Variants in FUT4 observed in about 807,000 individuals in gnomAD.
The protein encoded by FUT4 is fucosyltransferase 4.
Under a neutral mutation model 3.8 loss-of-function variants are expected in FUT4, and 1 was observed. The observed-to-expected ratio is 0.26, with a 90% CI of 0.09 to 1.25. FUT4 has a LOEUF of 1.25. Ranked by LOEUF, FUT4 falls within the 50% of genes most tolerant of loss-of-function variation. The probability of loss-of-function intolerance (pLI) is 0.47; values close to 1 mark genes in which losing one functional copy is unlikely to be tolerated. For missense variants in FUT4, 880 were observed against 768.2 expected (o/e 1.15, Z -1.72); for synonymous variants, 417 against 355.3 (o/e 1.17, Z -1.95).
chr11:94,545,622 A>G lies in FUT4; in HGVS notation c.1489A>G (p.Thr497Ala). Residue 497 changes from threonine (T) to alanine (A), a missense_variant, in exon 1 of 1, where the codon ACC becomes GCC. Around this residue, in one of 3 missense-constraint regions of FUT4, gnomAD observed 424 missense variants for 400.4 expected, o/e 1.06. Coordinates refer to ENST00000358752, the MANE Select transcript of FUT4 (RefSeq NM_002033.4). ...GCGCCGGAGCTACGCTGTCCACATC[A>G]CCTCCTTCTGGGACGAGCCTTGGTG... ...HWRRSYAVHI[T>A]SFWDEPWCRV... The G allele has an allele frequency of 6.2e-7, 1 of 1,612,452 alleles. No individual in the cohort carries two copies. The highest frequency in any genetic ancestry group is 8.5e-7 in the Non-Finnish European group (1 of 1,179,904).
At position 94,545,659 on chromosome 11, in the gene FUT4, A is replaced by AGGCT; in HGVS notation, c.1528_1531dup (p.Val511GlyfsTer40). 1 of 1,612,706 alleles carries AGGCT rather than the reference A, an allele frequency of 6.2e-7. No homozygotes were observed. ...GACGAGCCTTGGTGCCGGGTGTGCC[A>AGGCT]GGCTGTACAGAGGGCTGGGGACCGG... On this transcript the variant is annotated frameshift_variant, in exon 1 of 1. Transcript: ENST00000358752. LOFTEE classifies it high-confidence loss of function.
Position 94,544,426 on chromosome 11 carries a change from C to G in FUT4, c.293C>G (p.Pro98Arg). Reference protein sequence around the residue: ...ASGERQRRLEPQLQHESRCRS... With the variant: ...ASGERQRRLERQLQHESRCRS... ...GGCGAGCGGCAGCGACGGCTGGAGC[C>G]GCAGCTACAGCATGAGAGCCGGTGC... is the stretch of plus-strand genomic sequence containing the variant. Residue 98 changes from proline to arginine, a missense_variant, in exon 1 of 1, where the codon CCG becomes CGG. Transcript: ENST00000358752. The G allele has an allele frequency of 6.6e-7, 1 of 1,524,584 alleles. No individual in the cohort carries two copies. Among genetic ancestry groups the G allele is most frequent in the Non-Finnish European group, 8.7e-7 (1 of 1,143,672 alleles). The allele number at this position is 1,524,584 out of a possible 1,614,324, so 94.4% of individuals were successfully genotyped here.
Position 94,544,622 on chromosome 11 carries a change from T to C in FUT4, c.489T>C (p.Cys163=). The C allele has an allele frequency of 6.7e-7, 1 of 1,495,932 alleles. No homozygotes were observed. Among genetic ancestry groups the C allele is most frequent in the Non-Finnish European group, 8.8e-7 (1 of 1,135,002 alleles). The allele number at this position is 1,495,932 out of a possible 1,614,324, so 92.7% of individuals were successfully genotyped here. ...TGCTGGCGGCCGCCGGCTTGACGTG[T>C]ACGGCGCTGATCACCTACGCTTGCT... The part of the protein sequence containing the change: ...VCVLAAAGLT[C]TALITYACWG... The change falls in exon 1 of 1, where the codon TGT becomes TGC. Residue 163 remains cysteine, a synonymous_variant. Transcript: ENST00000358752.
chr11:94,545,175 C>T lies in FUT4; in HGVS notation c.1042C>T (p.Pro348Ser). ...CGGCGACCCGCCCTCAGGCCTGGCC[C>T]CGCCACTGTCCAGGAAACAGGGGCT... is the stretch of plus-strand genomic sequence containing the variant. ...HPGDPPSGLA[P>S]PLSRKQGLVA... The change falls in exon 1 of 1, where the codon CCG (proline) becomes TCG (serine). Residue 348 changes from proline to serine, a missense_variant. This residue lies in a region of FUT4 where 424 missense variants were observed against 400.4 expected (regional missense o/e 1.06). Transcript: ENST00000358752. The T allele has an allele frequency of 6.2e-7, 1 of 1,611,072 alleles. No individual in the cohort carries two copies. Among genetic ancestry groups the T allele is most frequent in the Non-Finnish European group, 8.5e-7 (1 of 1,179,752 alleles).
Position 94,544,230 on chromosome 11 carries a change from G to C in FUT4, c.97G>C (p.Gly33Arg), listed in dbSNP as rs766686784. The change falls in exon 1 of 1, where the codon GGC (glycine) becomes CGC (arginine). Residue 33 changes from glycine to arginine, a missense_variant. Transcript: ENST00000358752. The part of the protein sequence containing the change: ...APQEAPGAWS[G>R]RLGPGRSGRK... The stretch of plus-strand genomic sequence containing the variant: ...GCAGGAGGCTCCCGGGGCCTGGTCG[G>C]GCCGGCTGGGCCCCGGGCGCAGTGG... The C allele has an allele frequency of 2.7e-6, 4 of 1,472,248 alleles. No homozygotes were observed. In the South Asian group the frequency reaches 4.2e-5, roughly 15 times the overall value. The allele number at this position is 1,472,248 out of a possible 1,614,324, so 91.2% of individuals were successfully genotyped here.
Position 94,548,977 on chromosome 11 carries a change from CTG to C in FUT4, c.*3254_*3255del, listed in dbSNP as rs1207337344. On this transcript the variant is annotated 3_prime_UTR_variant, in exon 1 of 1. Transcript: ENST00000358752. ...TTGGAGTCAGAACCTGGGTATGACT[CTG>C]TGGCCTTGATGAAGCAAGTTACTTA... 4 of 167,014 alleles carry C rather than the reference CTG, an allele frequency of 2.4e-5. No individual in the cohort carries two copies. Among genetic ancestry groups the C allele is most frequent in the East Asian group, 1.9e-4 (1 of 5,196 alleles). The allele number at this position is 167,014 out of a possible 1,614,324, so 10.3% of individuals were successfully genotyped here.
Position 94,548,114 on chromosome 11 carries a change from A to AT in FUT4, c.*2395dup. On this transcript the variant is annotated 3_prime_UTR_variant, in exon 1 of 1. Transcript: ENST00000358752. ...AAGCACCTAGGCTTTCTTTGAAAAT[A>AT]TTTTTTTGGTTCGTTTTGGTAAAGC... 1.2e-5 allele frequency: 2 copies of AT among 166,236 alleles called. No individual in the cohort carries two copies. Among genetic ancestry groups the AT allele is most frequent in the African/African-American group, 2.4e-5 (1 of 40,964 alleles). 10.3% of individuals were successfully genotyped at this position (166,236 alleles called of 1,614,324 possible).
rs771907923 is a variant in FUT4 at position 94,544,158 on chromosome 11, C to A, written c.25C>A (p.Arg9=). 8 of 1,389,082 alleles carry A rather than the reference C, an allele frequency of 5.8e-6. No homozygotes were observed. Among genetic ancestry groups the A allele is most frequent in the South Asian group, 3.4e-5 (2 of 59,694 alleles). 86.0% of individuals were successfully genotyped at this position (1,389,082 alleles called of 1,614,324 possible). Residue 9 remains arginine, a synonymous_variant, in exon 1 of 1, where the codon CGG becomes AGG. Transcript: ENST00000358752. Reference sequence around the variant, plus strand: ...GATGAGGCGCTTGTGGGGCGCGGCCCGGAAGCCCTCGGGCGCGGGCTGGGA... The same window carrying A: ...GATGAGGCGCTTGTGGGGCGCGGCCAGGAAGCCCTCGGGCGCGGGCTGGGA... MRRLWGAA[R]KPSGAGWEKE...
chr11:94,543,998 C>T lies in FUT4; in HGVS notation c.-136C>T, dbSNP rs903276790. On this transcript the variant is annotated 5_prime_UTR_variant, in exon 1 of 1. Coordinates refer to ENST00000358752, the MANE Select transcript of FUT4 (RefSeq NM_002033.4). Reference sequence around the variant, plus strand: ...GGCAGCTGCTTTAGAAGGTCTCGAGCCTCCTGTACCTTCCCAGGGATGAAC... The same window carrying T: ...GGCAGCTGCTTTAGAAGGTCTCGAGTCTCCTGTACCTTCCCAGGGATGAAC... 8.3e-7 allele frequency: 1 copy of T among 1,203,538 alleles called. No individual in the cohort carries two copies. Among genetic ancestry groups the T allele is most frequent in the Non-Finnish European group, 1.1e-6 (1 of 938,332 alleles). The allele number at this position is 1,203,538 out of a possible 1,614,324, so 74.6% of individuals were successfully genotyped here.
At position 94,549,679 on chromosome 11, in the gene FUT4, A is replaced by T. The variant is rs1393384871; in HGVS notation, c.*3953A>T. On this transcript the variant is annotated 3_prime_UTR_variant, in exon 1 of 1. Coordinates refer to ENST00000358752, the MANE Select transcript of FUT4 (RefSeq NM_002033.4). ...ATTATATATATAGTATATTATATAT[A>T]TTTTTAAAGCTTTATATGCCTCAAA... The T allele has an allele frequency of 6.0e-6, 1 of 166,378 alleles. No individual in the cohort carries two copies. Among genetic ancestry groups the T allele is most frequent in the East Asian group, 1.9e-4 (1 of 5,168 alleles). 10.3% of individuals were successfully genotyped at this position (166,378 alleles called of 1,614,324 possible).
In FUT4 at chr11:94,544,217, C is replaced by A. The variant is rs774924087; in HGVS notation, c.84C>A (p.Pro28=). Residue 28 remains proline, a synonymous_variant, in exon 1 of 1, where the codon CCC becomes CCA. Coordinates refer to ENST00000358752, the MANE Select transcript of FUT4 (RefSeq NM_002033.4). The part of the protein sequence containing the change: ...KEWAEAPQEA[P]GAWSGRLGPG... ...GGGCGGAGGCGCCGCAGGAGGCTCC[C>A]GGGGCCTGGTCGGGCCGGCTGGGCC... The A allele has an allele frequency of 6.9e-7, 1 of 1,445,152 alleles. No individual in the cohort carries two copies. Among genetic ancestry groups the A allele is most frequent in the African/African-American group, 1.5e-5 (1 of 66,918 alleles). 89.5% of individuals were successfully genotyped at this position (1,445,152 alleles called of 1,614,324 possible).
At position 94,547,051 on chromosome 11, in the gene FUT4, C is replaced by G. The variant is rs1171097369; in HGVS notation, c.*1325C>G. ...TGCCCTTGAGACTGTGCTATGGAAC[C>G]AATCTTGAACATACATGCATTGACT... On this transcript the variant is annotated 3_prime_UTR_variant, in exon 1 of 1. Transcript: ENST00000358752. 6.0e-6 allele frequency: 1 copy of G among 167,052 alleles called. No individual in the cohort carries two copies. The highest frequency in any genetic ancestry group is 1.9e-4 in the East Asian group (1 of 5,190). The allele number at this position is 167,052 out of a possible 1,614,324, so 10.3% of individuals were successfully genotyped here.
rs1288783884 is a variant in FUT4 at position 94,545,000 on chromosome 11, C to G, written c.867C>G (p.Gly289=). 1 of 1,608,188 alleles carries G rather than the reference C, an allele frequency of 6.2e-7. No individual in the cohort carries two copies. Residue 289 remains glycine (G), a synonymous_variant, in exon 1 of 1, where the codon GGC becomes GGG. Coordinates refer to ENST00000358752, the MANE Select transcript of FUT4 (RefSeq NM_002033.4). ...ALATSSPRPP[G]QRWVWMNFES... ...CGACCTCCAGCCCCAGGCCCCCGGG[C>G]CAGCGCTGGGTTTGGATGAACTTCG...
chr11:94,544,743 G>T lies in FUT4; in HGVS notation c.610G>T (p.Ala204Ser). The T allele has an allele frequency of 6.7e-7, 1 of 1,493,238 alleles. No individual in the cohort carries two copies. The highest frequency in any genetic ancestry group is 8.9e-7 in the Non-Finnish European group (1 of 1,120,068). The allele number at this position is 1,493,238 out of a possible 1,614,324, so 92.5% of individuals were successfully genotyped here. A position where few individuals can be genotyped will look rare whatever the true frequency, so the allele number is the denominator to read the frequency against. The change falls in exon 1 of 1, where the codon GCC (alanine) becomes TCC (serine). Residue 204 changes from alanine (A) to serine (S), a missense_variant. Coordinates refer to ENST00000358752, the MANE Select transcript of FUT4 (RefSeq NM_002033.4). ...WWEPFGGRDS[A>S]PRPPPDCRLR... ...GGAGCCCTTCGGGGGGCGCGATAGCGCCCCGAGGCCGCCCCCTGACTGCCG... is the reference window on the plus strand; with the variant it reads ...GGAGCCCTTCGGGGGGCGCGATAGCTCCCCGAGGCCGCCCCCTGACTGCCG...
In FUT4 at chr11:94,546,241, A is replaced by G; in HGVS notation, c.*515A>G. 3.3e-6 allele frequency: 1 copy of G among 300,800 alleles called. No homozygotes were observed. Among genetic ancestry groups the G allele is most frequent in the South Asian group, 3.5e-5 (1 of 28,726 alleles). 18.6% of individuals were successfully genotyped at this position (300,800 alleles called of 1,614,324 possible). A position where few individuals can be genotyped will look rare whatever the true frequency, so the allele number is the denominator to read the frequency against. On this transcript the variant is annotated 3_prime_UTR_variant, in exon 1 of 1. Coordinates refer to ENST00000358752, the MANE Select transcript of FUT4 (RefSeq NM_002033.4). ...TGGGACTTTGTTGTTTGGATTCCTC[A>G]CAGCCTTGGCTCCTGAGAAAGGTGA...
chr11:94,547,580 G>A lies in FUT4; in HGVS notation c.*1854G>A, dbSNP rs1947877919. On this transcript the variant is annotated 3_prime_UTR_variant, in exon 1 of 1. Transcript: ENST00000358752. Reference sequence around the variant, plus strand: ...ACTTTCTTGAGAGGACAAATGAAAAGCTGTGGAGAAAATGTCCTCATTAAA... The same window carrying A: ...ACTTTCTTGAGAGGACAAATGAAAAACTGTGGAGAAAATGTCCTCATTAAA... 6.0e-6 allele frequency: 1 copy of A among 166,906 alleles called. No individual in the cohort carries two copies. Among genetic ancestry groups the A allele is most frequent in the African/African-American group, 2.4e-5 (1 of 41,448 alleles). 10.3% of individuals were successfully genotyped at this position (166,906 alleles called of 1,614,324 possible). A position where few individuals can be genotyped will look rare whatever the true frequency, so the allele number is the denominator to read the frequency against.
rs1368821093 is a variant in FUT4, at chr11:94,544,158, CGGAAGCCCTCGGGCGCGGGCT to C, written c.28_48del (p.Lys10_Trp16del). 5 of 1,389,082 alleles carry C rather than the reference CGGAAGCCCTCGGGCGCGGGCT, an allele frequency of 3.6e-6. No individual in the cohort carries two copies. The highest frequency in any genetic ancestry group is 1.5e-5 in the African/African-American group (1 of 65,182). 86.0% of individuals were successfully genotyped at this position (1,389,082 alleles called of 1,614,324 possible). Reference sequence around the variant, plus strand: ...GATGAGGCGCTTGTGGGGCGCGGCCCGGAAGCCCTCGGGCGCGGGCTGGGAGAAGGAGTGGGCGGAGGCGCC... The same window carrying C: ...GATGAGGCGCTTGTGGGGCGCGGCCCGGGAGAAGGAGTGGGCGGAGGCGCC... On this transcript the variant is annotated inframe_deletion, in exon 1 of 1. Coordinates refer to ENST00000358752, the MANE Select transcript of FUT4 (RefSeq NM_002033.4).
In FUT4 at chr11:94,545,015, G is replaced by A; in HGVS notation, c.882G>A (p.Trp294Ter). 1 of 1,609,582 alleles carries A rather than the reference G, an allele frequency of 6.2e-7. No individual in the cohort carries two copies. The highest frequency in any genetic ancestry group is 2.2e-5 in the East Asian group (1 of 44,754). Reference sequence around the variant, plus strand: ...GGCCCCCGGGCCAGCGCTGGGTTTGGATGAACTTCGAGTCGCCCTCGCACT... The same window carrying A: ...GGCCCCCGGGCCAGCGCTGGGTTTGAATGAACTTCGAGTCGCCCTCGCACT... ...SPRPPGQRWV[W>*]MNFESPSHSP... The change falls in exon 1 of 1, where the codon TGG becomes TGA. Residue 294 changes from tryptophan to a stop codon, truncating the protein, a stop_gained. Coordinates refer to ENST00000358752, the MANE Select transcript of FUT4 (RefSeq NM_002033.4). LOFTEE classifies it low-confidence loss of function (END_TRUNC).
In FUT4 at chr11:94,544,020, G is replaced by T. The variant is rs796733979; in HGVS notation, c.-114G>T. ...GAGCCTCCTGTACCTTCCCAGGGATGAACCGGGCCTTCCCTCTGGAAGGCG... is the reference window on the plus strand; with the variant it reads ...GAGCCTCCTGTACCTTCCCAGGGATTAACCGGGCCTTCCCTCTGGAAGGCG... On this transcript the variant is annotated 5_prime_UTR_variant, in exon 1 of 1. It removes an upstream start codon present in the reference 5' UTR. Coordinates refer to ENST00000358752, the MANE Select transcript of FUT4 (RefSeq NM_002033.4). 6.1e-6 allele frequency: 8 copies of T among 1,315,778 alleles called. No individual in the cohort carries two copies. The highest frequency in any genetic ancestry group is 7.8e-6 in the Non-Finnish European group (8 of 1,026,202). The allele number at this position is 1,315,778 out of a possible 1,614,324, so 81.5% of individuals were successfully genotyped here.
Sources: allele counts gnomAD v4.1 joint callset, GRCh38; gene constraint gnomAD v4.1.1; regional missense constraint gnomAD v4.1.1; transcripts MANE v1.5; gene names NCBI Gene and HGNC (gene_info 2026-07-23, HGNC 2026-07-21).